The following FIBCD1 variants were observed in gnomAD, a reference collection of about 807,000 sequenced individuals.
FIBCD1 encodes the protein fibrinogen C domain-containing protein 1.
Under a neutral mutation model 45.1 loss-of-function variants are expected in FIBCD1, and 47 were observed. The observed-to-expected ratio is 1.04, with a 90% CI of 0.82 to 1.33. The LOEUF is 1.33. FIBCD1 is among the 40% of genes most tolerant of loss of function. FIBCD1 has a pLI of 0.00. For synonymous variants in FIBCD1, 313 were observed against 308.1 expected (o/e 1.02, Z -0.17); for missense variants, 653 against 682.2 (o/e 0.96, Z 0.48).
intron 4 of FIBCD1, among the ~76,000 whole-genome samples, chr9:130,916,855 T>C (rs1053770515): frequency 3.8e-4 from 58 of 152,174 alleles, no homozygotes; most frequent in Middle Eastern, 3.2e-3. Context: ...CCCAGCACTT[T>C]GGGAGGCTGA....
At chr9:130,932,880 G>A (rs2133123184) in intron 1 of FIBCD1, among the ~76,000 whole-genome samples, 1 of 152,324 alleles carries the variant, frequency 6.6e-6, no homozygotes, top group Admixed American at 6.5e-5. Flanking sequence ...CACTCTTCTG[G>A]AGCCCGTCGG....
chr9:130,905,788 C>A (rs1831917610), intron 5 of FIBCD1, among the ~76,000 whole-genome samples: 1 of 152,190 alleles, frequency 6.6e-6, no homozygotes, highest in Admixed American at 6.5e-5. Context: ...CTATACCTGG[C>A]CTCTGGGCCT....
In FIBCD1 at chr9:130,929,798, G is replaced by C; in HGVS notation, c.321C>G (p.Arg107=). The stretch of plus-strand genomic sequence containing the variant: ...GCACCGAGGCCTGGGCGCTCTCCAG[G>C]CGTGCGAAGCTGTCGGTGAGGTCGG... ...RCPDLTDSFA[R]LESAQASVLQ... Residue 107 remains arginine (R), a synonymous_variant, in exon 2 of 7, where the codon CGC becomes CGG. Transcript: ENST00000372338. The C allele has an allele frequency of 6.4e-7, 1 of 1,552,384 alleles. No homozygotes were observed. The highest frequency in any genetic ancestry group is 8.7e-7 in the Non-Finnish European group (1 of 1,148,094).
At chr9:130,909,155 AC>A (rs1161788803) in intron 5 of FIBCD1, among the ~76,000 whole-genome samples, 3 of 150,940 alleles carry the variant, frequency 2.0e-5, no homozygotes, top group Non-Finnish European at 3.0e-5. Flanking sequence ...AGATGTCCAC[AC>A]CCTTCTCACC....
Position 130,922,679 on chromosome 9 carries a change from T to C in FIBCD1, c.849+1065A>G, listed in dbSNP as rs1042396067. Among the ~76,000 whole-genome samples the C allele has an allele frequency of 1.3e-5, 2 of 152,056 alleles. No homozygotes were observed. The highest frequency in any genetic ancestry group is 4.8e-5 in the African/African-American group (2 of 41,410). On this transcript the variant is annotated intron_variant, in intron 4 of 6. Coordinates refer to ENST00000372338, the MANE Select transcript of FIBCD1 (RefSeq NM_032843.5). The surrounding 1 kb of genome is among the most constrained non-coding windows in gnomAD (Gnocchi z 4.5). Reference sequence around the variant, plus strand: ...ATGCACACCGCCAAGTCACCTCTCCTGAAGCACAGTCCCCATCCCGTCTTC... The same window carrying C: ...ATGCACACCGCCAAGTCACCTCTCCCGAAGCACAGTCCCCATCCCGTCTTC...
intron 1 of FIBCD1, among the ~76,000 whole-genome samples, chr9:130,935,216 T>G (rs558330624): frequency 6.0e-4 from 92 of 152,306 alleles, no homozygotes; most frequent in African/African-American, 2.2e-3. Flanking sequence ...CGTCAAGAGA[T>G]CTTGCCTGGG....
chr9:130,925,462 C>T (rs1023246428), intron 2 of FIBCD1, among the ~76,000 whole-genome samples: 1 of 152,128 alleles, frequency 6.6e-6, no homozygotes, highest in African/African-American at 2.4e-5. Flanking sequence ...CCAGTCCCTC[C>T]CCCGTTCACT....
chr9:130,907,613 GAA>G (rs1831952291), intron 5 of FIBCD1, among the ~76,000 whole-genome samples: 1 of 152,164 alleles, frequency 6.6e-6, no homozygotes, highest in Admixed American at 6.5e-5. Context: ...AAAAACAGAA[GAA>G]AAGCCTGGGC....
rs776887813 is a variant in FIBCD1 at position 130,929,706 on chromosome 9, T to C, written c.413A>G (p.Asp138Gly). 1 of 1,601,342 alleles carries C rather than the reference T, an allele frequency of 6.2e-7. No homozygotes were observed. Among genetic ancestry groups the C allele is most frequent in the Non-Finnish European group, 8.5e-7 (1 of 1,174,948 alleles). ...CCGGGGCAGCTGGTCGGCCAGCGTG[T>C]CCAGCAGCTCCTGCTCCTGGTCGCC... is the stretch of plus-strand genomic sequence containing the variant. The part of the protein sequence containing the change: ...LVGDQEQELL[D>G]TLADQLPRLL... Residue 138 changes from aspartate (D) to glycine (G), a missense_variant, in exon 2 of 7, where the codon GAC becomes GGC. Physicochemically the swap from Asp to Gly is moderately conservative, Grantham distance 94. Transcript: ENST00000372338.
intron 6 of FIBCD1, among the ~76,000 whole-genome samples, chr9:130,904,709 T>C (rs1831896527): frequency 6.6e-6 from 1 of 152,198 alleles, no homozygotes. Context: ...ACCCCGGGTC[T>C]CCTGATTCCT....
At position 130,911,787 on chromosome 9, in the gene FIBCD1, C is replaced by T. The variant is rs763876802; in HGVS notation, c.946+5G>A. On this transcript the variant is annotated splice_donor_5th_base_variant and intron_variant, in intron 5 of 6. Coordinates refer to ENST00000372338, the MANE Select transcript of FIBCD1 (RefSeq NM_032843.5). ...CCTGGGCCGGATGGTGGGTGGGGTGCTCACCTAGCCAGTGCTCCCCGGTGA... is the reference window on the plus strand; with the variant it reads ...CCTGGGCCGGATGGTGGGTGGGGTGTTCACCTAGCCAGTGCTCCCCGGTGA... 10 of 1,593,608 alleles carry T rather than the reference C, an allele frequency of 6.3e-6. No individual in the cohort carries two copies. Among genetic ancestry groups the T allele is most frequent in the East Asian group, 2.3e-5 (1 of 43,294 alleles).
intron 4 of FIBCD1, among the ~76,000 whole-genome samples, chr9:130,916,275 T>C (rs1473420236): frequency 6.6e-6 from 1 of 151,134 alleles, no homozygotes; most frequent in Non-Finnish European, 1.5e-5. Context: ...CTCTATTTGA[T>C]TGAAAAAATA....
At position 130,938,795 on chromosome 9, in the gene FIBCD1, G is replaced by A. The variant is rs2133132757; in HGVS notation, c.-188C>T. The A allele has an allele frequency of 5.8e-6, 1 of 171,502 alleles. No individual in the cohort carries two copies. Among genetic ancestry groups the A allele is most frequent in the Admixed American group, 6.4e-5 (1 of 15,576 alleles). The allele number at this position is 171,502 out of a possible 1,614,324, so 10.6% of individuals were successfully genotyped here. A position where few individuals can be genotyped will look rare whatever the true frequency, so the allele number is the denominator to read the frequency against. On this transcript the variant is annotated 5_prime_UTR_variant, in exon 1 of 7. Coordinates refer to ENST00000372338, the MANE Select transcript of FIBCD1 (RefSeq NM_032843.5). ...TGAGCGCGCCGCTGTGTGCGGGCGG[G>A]AGCAGGAGCGGGAGCGCGAAAGCCG...
At position 130,922,288 on chromosome 9, in the gene FIBCD1, T is replaced by TG. The variant is rs34179906; in HGVS notation, c.849+1455dup. Among the ~76,000 whole-genome samples the TG allele has an allele frequency of 0.011, 1,699 of 152,266 alleles. 34 individuals are homozygous for TG. The highest frequency in any genetic ancestry group is 0.039 in the African/African-American group (1,606 of 41,550). ...CACCGGCCCACCCCCGGGCCTGGTCTGGGGTCTCTGTTCCTGGCTAAGCAG... is the reference window on the plus strand; with the variant it reads ...CACCGGCCCACCCCCGGGCCTGGTCTGGGGGTCTCTGTTCCTGGCTAAGCAG... On this transcript the variant is annotated intron_variant, in intron 4 of 6. Coordinates refer to ENST00000372338, the MANE Select transcript of FIBCD1 (RefSeq NM_032843.5). The surrounding 1 kb of genome is among the most constrained non-coding windows in gnomAD (Gnocchi z 4.5).
intron 5 of FIBCD1, among the ~76,000 whole-genome samples, chr9:130,908,956 C>G (rs902258731): frequency 6.6e-6 from 1 of 152,084 alleles, no homozygotes; most frequent in Admixed American, 6.5e-5. Flanking sequence ...GGCCCCCGAC[C>G]CCCCATCTTC....
rs117354130 is a variant in FIBCD1 at position 130,906,159 on chromosome 9, C to T, written c.947-746G>A. Among the ~76,000 whole-genome samples, 85 of 152,272 alleles carry T rather than the reference C, an allele frequency of 5.6e-4. No individual in the cohort carries two copies. The East Asian group carries it at 0.015, about 27-fold the overall frequency. ...TGTGCCCCCATCCTACTCTCTCCCT[C>T]CTGCTGTCCCCGCCCCACCTCAACT... On this transcript the variant is annotated intron_variant, in intron 5 of 6. Transcript: ENST00000372338.
chr9:130,932,115 G>A (rs1260815219), intron 1 of FIBCD1, among the ~76,000 whole-genome samples: 2 of 152,184 alleles, frequency 1.3e-5, no homozygotes, highest in African/African-American at 2.4e-5. Flanking sequence ...TCTTACAATC[G>A]TAATTGACAG....
Position 130,904,127 on chromosome 9 carries a change from G to A in FIBCD1, c.1323C>T (p.Thr441=), listed in dbSNP as rs151002912. 1.3e-4 allele frequency: 215 copies of A among 1,613,148 alleles called. No individual in the cohort carries two copies. The highest frequency in any genetic ancestry group is 1.6e-4 in the Non-Finnish European group (189 of 1,179,856). The change falls in exon 7 of 7, where the codon ACC becomes ACT. Residue 441 remains threonine (T), a synonymous_variant. Coordinates refer to ENST00000372338, the MANE Select transcript of FIBCD1 (RefSeq NM_032843.5). ...AGAACTTGAGTGAGTACTGCCAGCC[G>A]GTCCAGGAGGACCACTCCACGCCGT... ...YADGVEWSSW[T]GWQYSLKFSE... is the part of the protein sequence containing the mutation.
chr9:130,930,875 C>A (rs980711276), intron 1 of FIBCD1: 14 of 450,756 alleles, frequency 3.1e-5, no homozygotes, highest in African/African-American at 1.8e-4. Flanking sequence ...AGCAGCGATG[C>A]TATAGATGGT....
Sources: gnomAD v4.1 joint callset for allele counts (sites outside exome capture counted in the v4.1 genomes callset) on GRCh38, gnomAD v4.1.1 for gene constraint, Gnocchi (gnomAD v3.1) non-coding constraint, MANE v1.5 for transcripts, NCBI Gene and HGNC (gene_info 2026-07-23, HGNC 2026-07-21) for gene names.